Variants in FER observed in about 807,000 individuals in gnomAD.
FER encodes FER tyrosine kinase.
FER carries 63 observed loss-of-function variants against 111.0 expected under a neutral mutation model. The ratio of observed to expected loss-of-function variants is 0.57; its 90% CI spans 0.46 to 0.70. The LOEUF is 0.70. Ranked by LOEUF, FER falls within the 30% of genes least tolerant of loss-of-function variation. The probability of loss-of-function intolerance (pLI) is 0.00; values close to 1 mark genes in which losing one functional copy is unlikely to be tolerated. For synonymous variants in FER, 327 were observed against 313.9 expected (o/e 1.04, Z -0.44); for missense variants, 914 against 954.0 (o/e 0.96, Z 0.55).
chr5:108,814,980 A>G (rs917254504), intron 3 of FER, among the ~76,000 whole-genome samples: 6 of 151,986 alleles, frequency 3.9e-5, no homozygotes, highest in African/African-American at 1.5e-4. Context: ...TCATTCTCTG[A>G]GCACTTGTTT....
chr5:108,801,494 A>G (rs1354763662), intron 3 of FER, among the ~76,000 whole-genome samples: 1 of 152,196 alleles, frequency 6.6e-6, no homozygotes, highest in East Asian at 1.9e-4. Flanking sequence ...GAAGCTGTGG[A>G]TAGTACTGAA....
chr5:108,867,795 A>G lies in FER; in HGVS notation c.510A>G (p.Arg170=). Residue 170 remains arginine, a synonymous_variant, in exon 6 of 20, where the codon CGA becomes CGG. Coordinates refer to ENST00000281092, the MANE Select transcript of FER (RefSeq NM_005246.4). ...AGGAAACTGAAAAGGCCAAGGAACG[A>G]TACGACAAAGCCACAATGAAACTTC... The part of the protein sequence containing the change: ...KGKETEKAKE[R]YDKATMKLHM... 1 of 1,612,260 alleles carries G rather than the reference A, an allele frequency of 6.2e-7. No individual in the cohort carries two copies. The highest frequency in any genetic ancestry group is 8.5e-7 in the Non-Finnish European group (1 of 1,179,288).
At chr5:109,139,350 C>CTTTTTTTTTTTTTTTTTTTTTT (rs59092426) in intron 17 of FER, among the ~76,000 whole-genome samples, 3 of 91,114 alleles carry the variant, frequency 3.3e-5, no homozygotes, top group African/African-American at 1.3e-4. Context: ...TTCTTTCTTT[C>CTTTTTTTTTTTTTTTTTTTTTT]TTTTTTTTTT....
intron 10 of FER, among the ~76,000 whole-genome samples, chr5:108,910,952 T>C (rs183756895): frequency 6.6e-6 from 1 of 152,214 alleles, no homozygotes; most frequent in East Asian, 1.9e-4. Context: ...AATAAACATA[T>C]GAGTGTAGGT....
intron 16 of FER, among the ~76,000 whole-genome samples, chr5:109,098,212 C>A (rs1442363528): frequency 1.3e-5 from 2 of 151,580 alleles, no homozygotes; most frequent in Non-Finnish European, 3.0e-5. Flanking sequence ...TAGTGTTTTT[C>A]TTTGTTTATT....
intron 6 of FER, 110 bp from the exon 7 acceptor site, chr5:108,871,255 T>A: frequency 1.2e-6 from 1 of 823,658 alleles, no homozygotes; most frequent in Non-Finnish European, 1.9e-6. Context: ...AACAACCATC[T>A]GTACATTTCA....
intron 17 of FER, among the ~76,000 whole-genome samples, chr5:109,138,471 G>A (rs183901993): frequency 2.0e-5 from 3 of 152,084 alleles, no homozygotes; most frequent in Non-Finnish European, 2.9e-5. Flanking sequence ...TCCAATCATC[G>A]TGTTATACAC....
At chr5:108,861,678 T>C (rs541259326) in intron 5 of FER, among the ~76,000 whole-genome samples, 5 of 152,308 alleles carry the variant, frequency 3.3e-5, no homozygotes, top group East Asian at 1.9e-4. Context: ...TAAGAGCATA[T>C]GCATTTATTT....
intron 10 of FER, among the ~76,000 whole-genome samples, chr5:108,942,867 A>G (rs1756461550): frequency 6.6e-6 from 1 of 151,962 alleles, no homozygotes; most frequent in African/African-American, 2.4e-5. Context: ...AGCCCCTAAG[A>G]TATTTGGCAC....
chr5:108,948,562 G>T (rs548896898), intron 11 of FER, among the ~76,000 whole-genome samples: 1 of 152,110 alleles, frequency 6.6e-6, no homozygotes, highest in South Asian at 2.1e-4. Flanking sequence ...GACTGCTTCT[G>T]AAGCCAAGGC....
chr5:109,065,505 A>G (rs1004949665), intron 16 of FER, among the ~76,000 whole-genome samples: 1 of 152,168 alleles, frequency 6.6e-6, no homozygotes, highest in African/African-American at 2.4e-5. Context: ...TGACGATACA[A>G]AGTATCTGGA....
chr5:108,974,015 A>G (rs752237509), intron 13 of FER, among the ~76,000 whole-genome samples: 1 of 152,190 alleles, frequency 6.6e-6, no homozygotes, highest in Non-Finnish European at 1.5e-5. Flanking sequence ...AAGATCATCA[A>G]TGTTCATCTG....
intron 10 of FER, among the ~76,000 whole-genome samples, chr5:108,944,162 T>A (rs1756668769): frequency 6.6e-6 from 1 of 151,986 alleles, no homozygotes; most frequent in South Asian, 2.1e-4. Context: ...CTGTCTCATT[T>A]AATTTTAAAA....
chr5:108,864,378 A>C (rs1004942853), intron 5 of FER, among the ~76,000 whole-genome samples: 2 of 152,176 alleles, frequency 1.3e-5, no homozygotes. Context: ...TGTTCTTCCT[A>C]GGAATGGTCT....
intron 13 of FER, among the ~76,000 whole-genome samples, chr5:108,995,426 C>A (rs373027606): frequency 6.6e-6 from 1 of 151,884 alleles, no homozygotes; most frequent in Non-Finnish European, 1.5e-5. Flanking sequence ...AGCCCCCCAC[C>A]CCCCAACAGG....
intron 5 of FER, among the ~76,000 whole-genome samples, chr5:108,847,727 G>A (rs928893627): frequency 3.3e-5 from 5 of 151,982 alleles, no homozygotes; most frequent in African/African-American, 9.7e-5. Flanking sequence ...ATATTCTTTT[G>A]ATGACCTGAC....
At chr5:108,841,786 G>A (rs1761295678) in intron 5 of FER, 1 of 404,974 alleles carries the variant, frequency 2.5e-6, no homozygotes, top group Non-Finnish European at 4.8e-6. Context: ...CCAATGGTGT[G>A]CAAAATACTC....
chr5:108,758,023 G>A (rs1751307965), intron 1 of FER, among the ~76,000 whole-genome samples: 1 of 152,160 alleles, frequency 6.6e-6, no homozygotes, highest in Admixed American at 6.5e-5. Flanking sequence ...CATGGATTTT[G>A]AAAGAGGATG....
At chr5:108,798,057 CTTT>C in intron 2 of FER, 64 bp from the exon 3 acceptor site, 1 of 482,586 alleles carries the variant, frequency 2.1e-6, no homozygotes, top group Non-Finnish European at 3.6e-6. Flanking sequence ...TCTATCATAA[CTTT>C]TTTTTTTTTG....
Sources: gnomAD v4.1 joint callset for allele counts (sites outside exome capture counted in the v4.1 genomes callset) on GRCh38, gnomAD v4.1.1 for gene constraint, MANE v1.5 for transcripts, NCBI Gene and HGNC (gene_info 2026-07-23, HGNC 2026-07-21) for gene names.